NFXL1: variants seen among roughly 807,000 people sequenced by gnomAD.
The protein encoded by NFXL1 is nuclear transcription factor, X-box binding like 1.
Under a neutral mutation model 123.3 loss-of-function variants are expected in NFXL1, and 66 were observed. The observed-to-expected ratio is 0.54, with a 90% CI of 0.44 to 0.66. NFXL1 has a LOEUF of 0.66. Ranked by LOEUF, NFXL1 falls within the 30% of genes least tolerant of loss-of-function variation. The probability of loss-of-function intolerance (pLI) is 0.00; values close to 1 mark genes in which losing one functional copy is unlikely to be tolerated. For synonymous variants in NFXL1, 346 were observed against 360.8 expected (o/e 0.96, Z 0.46); for missense variants, 944 against 1,125.6 (o/e 0.84, Z 2.31).
chr4:47,893,118 CA>C (rs1736873663), intron 11 of NFXL1, among the ~76,000 whole-genome samples: 1 of 151,832 alleles, frequency 6.6e-6, no homozygotes, highest in Non-Finnish European at 1.5e-5. Flanking sequence ...TTAGACAATG[CA>C]GAAGAAAATT....
intron 5 of NFXL1, among the ~76,000 whole-genome samples, chr4:47,902,705 A>AG (rs1737401154): frequency 6.6e-6 from 1 of 152,240 alleles, no homozygotes; most frequent in South Asian, 2.1e-4. Context: ...AGTTATCAAA[A>AG]GGAACTAGTA....
intron 19 of NFXL1, among the ~76,000 whole-genome samples, chr4:47,862,264 TA>T (rs1734810596): frequency 6.6e-6 from 1 of 152,226 alleles, no homozygotes; most frequent in Non-Finnish European, 1.5e-5. Flanking sequence ...CAAGAATCTT[TA>T]AAAACACAAC....
In NFXL1 at chr4:47,880,807, TAAAAAAAAAAAAAAA is replaced by T. The variant is rs57880960; in HGVS notation, c.1917-1705_1917-1691del. On this transcript the variant is annotated intron_variant, in intron 15 of 22. Coordinates refer to ENST00000507489, the MANE Select transcript of NFXL1 (RefSeq NM_001278624.2). ...GTAAACAGTAAACCTAATTAATGAG[TAAAAAAAAAAAAAAA>T]AAAAAAAACGCAAAAAGGAACAGGA... is the stretch of plus-strand genomic sequence containing the variant. 6.3e-5 allele frequency among the ~76,000 whole-genome samples: 5 copies of T among 78,834 alleles called. No homozygotes were observed. The Admixed American group carries it at 7.4e-4, about 12-fold the overall frequency. The allele number at this position is 78,834 out of a possible 152,430, so 51.7% of individuals were successfully genotyped here. A position where few individuals can be genotyped will look rare whatever the true frequency, so the allele number is the denominator to read the frequency against.
intron 4 of NFXL1, among the ~76,000 whole-genome samples, chr4:47,904,440 C>T (rs1400977027): frequency 6.6e-6 from 1 of 152,188 alleles, no homozygotes; most frequent in Non-Finnish European, 1.5e-5. Context: ...GGGTTTCTAT[C>T]TGCATGCAGA....
In NFXL1 at chr4:47,851,146, T is replaced by C. The variant is rs1415351878; in HGVS notation, c.2511A>G (p.Ile837Met). 1 of 1,608,100 alleles carries C rather than the reference T, an allele frequency of 6.2e-7. No individual in the cohort carries two copies. Among genetic ancestry groups the C allele is most frequent in the African/African-American group, 1.3e-5 (1 of 74,830 alleles). ...CKEMKRKASE[I>M]KEAEAKAALE... ...GAGCAGCTTTGGCTTCTGCTTCTTT[T>C]ATCTGTTTATACACATACAAAAGTC... Residue 837 changes from isoleucine to methionine, a missense_variant and splice_region_variant, in exon 22 of 23, where the codon ATA (isoleucine) becomes ATG (methionine). Coordinates refer to ENST00000507489, the MANE Select transcript of NFXL1 (RefSeq NM_001278624.2).
intron 15 of NFXL1, among the ~76,000 whole-genome samples, chr4:47,882,683 T>A (rs1456137703): frequency 6.6e-6 from 1 of 151,770 alleles, no homozygotes; most frequent in East Asian, 1.9e-4. Flanking sequence ...CTTTTCAGAC[T>A]ATATAAGTGG....
intron 17 of NFXL1, among the ~76,000 whole-genome samples, chr4:47,878,132 T>C (rs77902822): frequency 0.038 from 5,714 of 152,196 alleles, 160 homozygotes; most frequent in Non-Finnish European, 0.056. Context: ...ATCCATCCTG[T>C]GTGTCAGGTT....
At position 47,913,988 on chromosome 4, in the gene NFXL1, C is replaced by T. The variant is rs1412497058; in HGVS notation, c.216G>A (p.Leu72=). 1.3e-6 allele frequency: 2 copies of T among 1,547,248 alleles called. No homozygotes were observed. Among genetic ancestry groups the T allele is most frequent in the South Asian group, 2.4e-5 (2 of 83,948 alleles). Residue 72 remains leucine, a synonymous_variant, in exon 2 of 23, where the codon CTG becomes CTA. Coordinates refer to ENST00000507489, the MANE Select transcript of NFXL1 (RefSeq NM_001278624.2). Reference sequence around the variant, plus strand: ...TCTCACCGCTGGCTGCGGTAGTCTGCAGGGCTTGGGATCCTGCGGGGCTGT... The same window carrying T: ...TCTCACCGCTGGCTGCGGTAGTCTGTAGGGCTTGGGATCCTGCGGGGCTGT... ...SRHSPAGSQA[L]QTTAASELMS... is the part of the protein sequence containing the mutation.
At chr4:47,855,337 T>G (rs1206951137) in intron 19 of NFXL1, among the ~76,000 whole-genome samples, 174 bp from the exon 20 acceptor site, 1 of 149,304 alleles carries the variant, frequency 6.7e-6, no homozygotes, top group Non-Finnish European at 1.5e-5. Context: ...TTAATTACAC[T>G]TATATAATTT....
chr4:47,908,935 A>G (rs1244417226), intron 3 of NFXL1, among the ~76,000 whole-genome samples: 2 of 145,584 alleles, frequency 1.4e-5, no homozygotes, highest in Non-Finnish European at 3.0e-5. Context: ...AGCCTGGGCG[A>G]CAGAGTGAGA....
intron 19 of NFXL1, among the ~76,000 whole-genome samples, chr4:47,859,089 T>C (rs745532565): frequency 2.0e-5 from 3 of 152,202 alleles, no homozygotes; most frequent in Non-Finnish European, 4.4e-5. Context: ...GAGGTCTTTC[T>C]AAAATATTCA....
chr4:47,870,394 A>G (rs1438527335), intron 18 of NFXL1, among the ~76,000 whole-genome samples: 2 of 152,220 alleles, frequency 1.3e-5, no homozygotes, highest in Admixed American at 6.5e-5. Context: ...CACACACTCA[A>G]GAAAACAGAA....
At chr4:47,883,822 AT>A (rs1404628470) in intron 15 of NFXL1, among the ~76,000 whole-genome samples, 1 of 152,124 alleles carries the variant, frequency 6.6e-6, no homozygotes, top group Non-Finnish European at 1.5e-5. Flanking sequence ...CCTATACTCC[AT>A]AACCTCTGCT....
Position 47,884,383 on chromosome 4 carries a change from C to T in NFXL1, c.1879G>A (p.Ala627Thr), listed in dbSNP as rs774670828. ...QPSEPAFIQT[A>T]LPCPPCQVPI... ...ACTTGACATGGAGGACACGGTAATG[C>T]AGTCTGAATAAATGCTGGCTCAGAA... The change falls in exon 15 of 23, where the codon GCA (alanine) becomes ACA (threonine). Residue 627 changes from alanine (A) to threonine (T), a missense_variant. Ala to Thr is a moderately conservative substitution (Grantham distance 58). This residue lies in a region of NFXL1 where 301 missense variants were observed against 348.0 expected (regional missense o/e 0.86). Coordinates refer to ENST00000507489, the MANE Select transcript of NFXL1 (RefSeq NM_001278624.2). The T allele has an allele frequency of 2.5e-6, 4 of 1,609,238 alleles. No homozygotes were observed. In the African/African-American group the frequency reaches 4.0e-5, roughly 16 times the overall value.
intron 12 of NFXL1, 132 bp from the exon 13 acceptor site, chr4:47,886,131 G>T: frequency 2.7e-6 from 2 of 740,612 alleles, no homozygotes; most frequent in Non-Finnish European, 4.4e-6. Context: ...ACAACAACAT[G>T]AATGAATCTT....
In NFXL1 at chr4:47,878,653, G is replaced by C. The variant is rs1442022645; in HGVS notation, c.1951C>G (p.Pro651Ala). 4.5e-6 allele frequency: 7 copies of C among 1,557,480 alleles called. No homozygotes were observed. The East Asian group carries it at 1.6e-4, about 36-fold the overall frequency. The change falls in exon 17 of 23, where the codon CCA (proline) becomes GCA (alanine). Residue 651 changes from proline to alanine, a missense_variant. Pro to Ala is a conservative substitution (Grantham distance 27). Coordinates refer to ENST00000507489, the MANE Select transcript of NFXL1 (RefSeq NM_001278624.2). ...GAGTAGGGTCCTACAGCATGGCATGGTAGTGGACTCACCTTAAAAAATAAA... is the reference window on the plus strand; with the variant it reads ...GAGTAGGGTCCTACAGCATGGCATGCTAGTGGACTCACCTTAAAAAATAAA... ...CLGKHEVSPL[P>A]CHAVGPYSCK...
At chr4:47,868,118 A>G (rs1735207606) in intron 18 of NFXL1, among the ~76,000 whole-genome samples, 1 of 152,206 alleles carries the variant, frequency 6.6e-6, no homozygotes, top group Admixed American at 6.5e-5. Flanking sequence ...GATAGAGACC[A>G]TCCTGGCTAA....
At chr4:47,880,472 T>A (rs1486498961) in intron 15 of NFXL1, among the ~76,000 whole-genome samples, 1 of 145,742 alleles carries the variant, frequency 6.9e-6, no homozygotes, top group Non-Finnish European at 1.5e-5. Context: ...AGCCACAGAC[T>A]GGCAGAAAAT....
At position 47,903,239 on chromosome 4, in the gene NFXL1, A is replaced by G. The variant is rs1231161846; in HGVS notation, c.601T>C (p.Ser201Pro). The G allele has an allele frequency of 4.4e-6, 7 of 1,600,678 alleles. No homozygotes were observed. Among genetic ancestry groups the G allele is most frequent in the African/African-American group, 1.4e-5 (1 of 73,870 alleles). ...TTTCCAAAATCATCATCAGTCACAG[A>G]AGATACAAGAAACTGGCTGTCTTTA... ...WAKDSQFLVS[S>P]VTDDDFGKKD... Residue 201 changes from serine (S) to proline (P), a missense_variant, in exon 5 of 23, where the codon TCT becomes CCT. This residue lies in a region of NFXL1 where 303 missense variants were observed against 292.1 expected (regional missense o/e 1.04). Coordinates refer to ENST00000507489, the MANE Select transcript of NFXL1 (RefSeq NM_001278624.2).
Sources: allele counts gnomAD v4.1 joint callset (sites outside exome capture counted in the v4.1 genomes callset), GRCh38; gene constraint gnomAD v4.1.1; regional missense constraint gnomAD v4.1.1; transcripts MANE v1.5; gene names NCBI Gene and HGNC (gene_info 2026-07-23, HGNC 2026-07-21).